The following IKZF1 variants were observed in gnomAD, a reference collection of about 807,000 sequenced individuals.
IKZF1 encodes DNA-binding protein Ikaros.
In IKZF1, 10 loss-of-function variants were observed where a neutral mutation model predicts 51.7. That is an observed-to-expected ratio of 0.19 (90% CI 0.12 to 0.33). The LOEUF is 0.33. Among genes scored for constraint, IKZF1 ranks in the 10% least tolerant of loss-of-function variants. The probability of loss-of-function intolerance (pLI) is 1.00; values close to 1 mark genes in which losing one functional copy is unlikely to be tolerated. For synonymous variants in IKZF1, 280 were observed against 282.3 expected (o/e 0.99, Z 0.08); for missense variants, 484 against 707.5 (o/e 0.68, Z 3.58).
intron 3 of IKZF1, among the ~76,000 whole-genome samples, chr7:50,343,534 A>G (rs992429993): frequency 6.6e-6 from 1 of 152,240 alleles, no homozygotes; most frequent in Non-Finnish European, 1.5e-5. Context: ...TTTCCTGATC[A>G]TTAAATGAAT....
At chr7:50,333,008 T>G (rs1477639348) in intron 3 of IKZF1, among the ~76,000 whole-genome samples, 1 of 151,488 alleles carries the variant, frequency 6.6e-6, no homozygotes, top group Non-Finnish European at 1.5e-5. Flanking sequence ...CACTGAGAGA[T>G]AGAAACTGAA....
chr7:50,388,649 G>A (rs1350683699), intron 6 of IKZF1: 1 of 152,170 alleles, frequency 6.6e-6, no homozygotes, highest in Non-Finnish European at 1.5e-5. Context: ...AGAATGGAAA[G>A]GCATTGAAGG....
intron 3 of IKZF1, among the ~76,000 whole-genome samples, chr7:50,361,397 G>T (rs1003782479): frequency 2.0e-5 from 3 of 152,254 alleles, no homozygotes; most frequent in African/African-American, 7.2e-5. Context: ...AAGCAAGAAG[G>T]TTACAACACT....
rs150913064 is a variant in IKZF1, at chr7:50,394,227, C to T, written c.850+2364C>T. The T allele has an allele frequency of 2.8e-4, 66 of 232,984 alleles. 1 individual carries two copies. In the East Asian group the frequency reaches 4.0e-3, roughly 14 times the overall value. The allele number at this position is 232,984 out of a possible 1,614,324, so 14.4% of individuals were successfully genotyped here. On this transcript the variant is annotated intron_variant, in intron 7 of 7. Transcript: ENST00000331340. Reference sequence around the variant, plus strand: ...CAAGCAGCTGCATAATCTGTTGGTGCTTGGCAGTTCATTTGTAAAAATGAT... The same window carrying T: ...CAAGCAGCTGCATAATCTGTTGGTGTTTGGCAGTTCATTTGTAAAAATGAT...
intron 3 of IKZF1, among the ~76,000 whole-genome samples, chr7:50,344,791 G>A (rs1799943360): frequency 6.6e-6 from 1 of 152,034 alleles, no homozygotes; most frequent in Non-Finnish European, 1.5e-5. Flanking sequence ...TTAAGAGATA[G>A]GCTATAGAAA....
At chr7:50,396,777 G>A (rs989689285) in intron 7 of IKZF1, among the ~76,000 whole-genome samples, 3 of 152,176 alleles carry the variant, frequency 2.0e-5, no homozygotes, top group Non-Finnish European at 4.4e-5. Context: ...GCAAAGTGCA[G>A]CCTTTGTTAA....
At chr7:50,316,467 C>G (rs901381034) in intron 1 of IKZF1, among the ~76,000 whole-genome samples, 1 of 152,172 alleles carries the variant, frequency 6.6e-6, no homozygotes, top group Non-Finnish European at 1.5e-5. Flanking sequence ...GGCCCACGTG[C>G]GAAAATGCAG....
At chr7:50,386,556 T>G (rs1346222766) in intron 5 of IKZF1, among the ~76,000 whole-genome samples, 6 of 152,146 alleles carry the variant, frequency 3.9e-5, no homozygotes, top group African/African-American at 1.4e-4. Context: ...TAAGCTCAGT[T>G]TATGAACAAT....
intron 3 of IKZF1, among the ~76,000 whole-genome samples, chr7:50,339,231 G>GTGT (rs1326893575): frequency 1.3e-5 from 2 of 150,372 alleles, no homozygotes; most frequent in Non-Finnish European, 3.0e-5. Context: ...GTGTGTGTGT[G>GTGT]TGTGTGTGTG....
In IKZF1 at chr7:50,403,602, G is replaced by A. The variant is rs1818503045; in HGVS notation, c.*2975G>A. On this transcript the variant is annotated 3_prime_UTR_variant, in exon 8 of 8. Transcript: ENST00000331340. ...CTTCTGTAATTTGTACCTAAAGAGT[G>A]TGATTATCCTAATTCAAGAGTCACT... is the stretch of plus-strand genomic sequence containing the variant. The A allele has an allele frequency of 1.3e-5, 3 of 228,664 alleles. No individual in the cohort carries two copies. Among genetic ancestry groups the A allele is most frequent in the Admixed American group, 1.1e-4 (2 of 17,624 alleles). 14.2% of individuals were successfully genotyped at this position (228,664 alleles called of 1,614,324 possible). A position where few individuals can be genotyped will look rare whatever the true frequency, so the allele number is the denominator to read the frequency against.
intron 3 of IKZF1, 49 bp downstream of exon 3, chr7:50,327,806 T>G: frequency 6.5e-7 from 1 of 1,528,520 alleles, no homozygotes; most frequent in Non-Finnish European, 8.8e-7. Flanking sequence ...TTTATCTCTT[T>G]GTATTTTTCC....
At chr7:50,395,380 G>C (rs941884441) in intron 7 of IKZF1, among the ~76,000 whole-genome samples, 1 of 151,942 alleles carries the variant, frequency 6.6e-6, no homozygotes, top group South Asian at 2.1e-4. Context: ...TGACATAAAG[G>C]AATATTATAT....
chr7:50,396,858 C>G (rs924288366), intron 7 of IKZF1, among the ~76,000 whole-genome samples: 1 of 152,170 alleles, frequency 6.6e-6, no homozygotes, highest in Non-Finnish European at 1.5e-5. Flanking sequence ...AGCACTGTAC[C>G]TAGTTGGGGA....
At chr7:50,330,804 A>C (rs967423257) in intron 3 of IKZF1, among the ~76,000 whole-genome samples, 3 of 152,206 alleles carry the variant, frequency 2.0e-5, no homozygotes, top group Non-Finnish European at 4.4e-5. Flanking sequence ...GACTGTAAGG[A>C]GTGCACAGCA....
chr7:50,354,847 T>A (rs1464138502), intron 3 of IKZF1, among the ~76,000 whole-genome samples: 1 of 152,148 alleles, frequency 6.6e-6, no homozygotes, highest in Non-Finnish European at 1.5e-5. Context: ...TTGAATGCCC[T>A]GAAGTTTATC....
intron 3 of IKZF1, among the ~76,000 whole-genome samples, chr7:50,363,071 G>C (rs62447199): frequency 0.056 from 8,533 of 152,292 alleles, 364 homozygotes; most frequent in Non-Finnish European, 0.085. Context: ...CGAGCCCCCT[G>C]TGGGTTGGAA....
intron 3 of IKZF1, among the ~76,000 whole-genome samples, chr7:50,340,395 G>A (rs1301837351): frequency 1.3e-5 from 2 of 152,228 alleles, no homozygotes; most frequent in Admixed American, 1.3e-4. Flanking sequence ...AGATGATTCT[G>A]GTGAAGCCCT....
Position 50,387,934 on chromosome 7 carries a change from G to A in IKZF1, c.715+464G>A, listed in dbSNP as rs985133032. ...AGCATCAGTTCAGACTGAGGGCAGG[G>A]TATCCACTCCTGCATGGAGTGTGAG... On this transcript the variant is annotated intron_variant, in intron 6 of 7. Transcript: ENST00000331340. 5.9e-5 allele frequency among the ~76,000 whole-genome samples: 9 copies of A among 152,220 alleles called. No homozygotes were observed. The South Asian group carries it at 1.7e-3, about 28-fold the overall frequency.
At chr7:50,350,737 A>T (rs1330347500) in intron 3 of IKZF1, among the ~76,000 whole-genome samples, 1 of 152,142 alleles carries the variant, frequency 6.6e-6, no homozygotes, top group Non-Finnish European at 1.5e-5. Flanking sequence ...TCTCATTTGC[A>T]TTGGTTACTC....
Sources: gnomAD v4.1 joint callset for allele counts (sites outside exome capture counted in the v4.1 genomes callset) on GRCh38, gnomAD v4.1.1 for gene constraint, MANE v1.5 for transcripts, NCBI Gene and HGNC (gene_info 2026-07-23, HGNC 2026-07-21) for gene names.